GRXCR1: variants seen among roughly 807,000 people sequenced by gnomAD.
GRXCR1 encodes the protein glutaredoxin and cysteine rich domain containing 1.
GRXCR1 carries 27 observed loss-of-function variants against 27.3 expected under a neutral mutation model. That is an observed-to-expected ratio of 0.99 (90% CI 0.73 to 1.37). The LOEUF is 1.37. Ranked by LOEUF, GRXCR1 falls within the 40% of genes most tolerant of loss-of-function variation. The pLI, the probability that GRXCR1 is intolerant of heterozygous loss-of-function variation, is 0.00. For missense variants in GRXCR1, 379 were observed against 354.4 expected, an observed-to-expected ratio of 1.07 and a Z score of -0.56; for synonymous variants, 122 against 131.1, an observed-to-expected ratio of 0.93 and a Z score of 0.47.
intron 2 of GRXCR1, among the ~76,000 whole-genome samples, chr4:43,007,114 G>A (rs879381329): frequency 2.0e-5 from 3 of 152,186 alleles, no homozygotes; most frequent in Non-Finnish European, 4.4e-5. Flanking sequence ...GGGATTGACA[G>A]CAATTAGGAA....
chr4:42,954,193 C>A (rs1003080920), intron 1 of GRXCR1, among the ~76,000 whole-genome samples: 1 of 152,080 alleles, frequency 6.6e-6, no homozygotes, highest in Admixed American at 6.6e-5. Flanking sequence ...TAACATCCAG[C>A]AGTACTAGCA....
intron 1 of GRXCR1, among the ~76,000 whole-genome samples, chr4:42,946,518 C>G (rs910205499): frequency 3.9e-5 from 6 of 152,128 alleles, no homozygotes; most frequent in South Asian, 2.1e-4. Context: ...GCTGCTATAA[C>G]AAAATACCCT....
chr4:42,901,229 A>G (rs764954108), intron 1 of GRXCR1, among the ~76,000 whole-genome samples: 2 of 152,298 alleles, frequency 1.3e-5, no homozygotes, highest in Non-Finnish European at 2.9e-5. Flanking sequence ...CCGGTGTATT[A>G]GTTTCCTATT....
At chr4:43,017,435 T>C (rs1472035108) in intron 2 of GRXCR1, among the ~76,000 whole-genome samples, 3 of 152,254 alleles carry the variant, frequency 2.0e-5, no homozygotes, top group Non-Finnish European at 4.4e-5. Context: ...ACTCTGGGCA[T>C]GCTCTTTATT....
chr4:42,939,547 T>C (rs954887073), intron 1 of GRXCR1, among the ~76,000 whole-genome samples: 1 of 152,078 alleles, frequency 6.6e-6, no homozygotes, highest in African/African-American at 2.4e-5. Flanking sequence ...TGTTGAATAA[T>C]CATGGTGAAT....
At chr4:42,908,122 G>A (rs879499291) in intron 1 of GRXCR1, among the ~76,000 whole-genome samples, 20 of 152,166 alleles carry the variant, frequency 1.3e-4, no homozygotes, top group Admixed American at 3.3e-4. Flanking sequence ...AGGTCTGCAT[G>A]GCATGATGCC....
chr4:42,903,872 G>T (rs1331764660), intron 1 of GRXCR1, among the ~76,000 whole-genome samples: 4 of 152,078 alleles, frequency 2.6e-5, no homozygotes, highest in Non-Finnish European at 4.4e-5. Context: ...CAGACCCAAA[G>T]CCTGTGTTGG....
chr4:43,023,541 A>G (rs561965521), intron 3 of GRXCR1, among the ~76,000 whole-genome samples: 20 of 152,342 alleles, frequency 1.3e-4, no homozygotes, highest in Non-Finnish European at 2.6e-4. Context: ...AGCAGAAGCT[A>G]GTAACACATG....
chr4:42,903,143 A>G lies in GRXCR1; in HGVS notation c.384+9493A>G, dbSNP rs1746500596. ...CCTCTCTCAGTGCCTGGTGCTTTAA[A>G]CAGCTGGCTTTATAGTACAGTTTTA... On this transcript the variant is annotated intron_variant, in intron 1 of 3. Coordinates refer to ENST00000399770, the MANE Select transcript of GRXCR1 (RefSeq NM_001080476.3). 2.0e-5 allele frequency among the ~76,000 whole-genome samples: 3 copies of G among 149,164 alleles called. No homozygotes were observed. In the South Asian group the frequency reaches 6.9e-4, roughly 34 times the overall value.
At chr4:42,935,628 G>T (rs1279487954) in intron 1 of GRXCR1, among the ~76,000 whole-genome samples, 4 of 151,908 alleles carry the variant, frequency 2.6e-5, no homozygotes, top group Non-Finnish European at 5.9e-5. Context: ...AAGAGTGGAG[G>T]TTTGTGGTGA....
chr4:42,950,697 A>G (rs1316608848), intron 1 of GRXCR1, among the ~76,000 whole-genome samples: 27 of 152,136 alleles, frequency 1.8e-4, no homozygotes, highest in Admixed American at 1.7e-3. Context: ...TGGATTTTAC[A>G]TATAATCCTA....
At chr4:42,901,120 A>G (rs987722356) in intron 1 of GRXCR1, among the ~76,000 whole-genome samples, 2 of 152,190 alleles carry the variant, frequency 1.3e-5, no homozygotes, top group Non-Finnish European at 2.9e-5. Context: ...GAAATCAAGA[A>G]CATGGTCATT....
chr4:43,009,059 T>C (rs891936810), intron 2 of GRXCR1, among the ~76,000 whole-genome samples: 3 of 152,212 alleles, frequency 2.0e-5, no homozygotes. Flanking sequence ...AGCAACCTTG[T>C]ATGTTTCAGA....
At chr4:42,972,427 C>G (rs1052642718) in intron 2 of GRXCR1, among the ~76,000 whole-genome samples, 3 of 152,158 alleles carry the variant, frequency 2.0e-5, no homozygotes, top group African/African-American at 7.2e-5. Context: ...TTGTTCTGGC[C>G]TTCAGATAGT....
At chr4:42,969,922 T>C (rs1342899841) in intron 2 of GRXCR1, among the ~76,000 whole-genome samples, 1 of 152,118 alleles carries the variant, frequency 6.6e-6, no homozygotes, top group Non-Finnish European at 1.5e-5. Context: ...TCTATGAGCC[T>C]GTAAAATCAA....
intron 1 of GRXCR1, among the ~76,000 whole-genome samples, chr4:42,959,724 A>G (rs532384129): frequency 6.6e-6 from 1 of 152,060 alleles, no homozygotes; most frequent in Admixed American, 6.6e-5. Context: ...ATTCTGAGTC[A>G]GTAGATCTGG....
intron 2 of GRXCR1, among the ~76,000 whole-genome samples, chr4:43,008,774 G>T (rs2109801176): frequency 6.6e-6 from 1 of 152,266 alleles, no homozygotes; most frequent in Non-Finnish European, 1.5e-5. Flanking sequence ...TTAGTTGTGT[G>T]ATTTTGAACA....
intron 2 of GRXCR1, among the ~76,000 whole-genome samples, chr4:42,966,258 G>A (rs1428353181): frequency 1.3e-5 from 2 of 151,960 alleles, no homozygotes; most frequent in Non-Finnish European, 1.5e-5. Flanking sequence ...AGAAATAGTG[G>A]CCTGTCTGGA....
chr4:42,929,514 G>T (rs188993732), intron 1 of GRXCR1, among the ~76,000 whole-genome samples: 3 of 152,110 alleles, frequency 2.0e-5, no homozygotes, highest in South Asian at 4.2e-4. Context: ...CCTGTGGAGA[G>T]AATCTCACTC....
Sources: gnomAD v4.1 joint callset for allele counts (sites outside exome capture counted in the v4.1 genomes callset) on GRCh38, gnomAD v4.1.1 for gene constraint, MANE v1.5 for transcripts, NCBI Gene and HGNC (gene_info 2026-07-23, HGNC 2026-07-21) for gene names.